SMARCA2: variants seen among roughly 807,000 people sequenced by gnomAD.
SMARCA2 encodes SWI/SNF-related matrix-associated actin-dependent regulator of chromatin subfamily A member 2.
Under a neutral mutation model 199.8 loss-of-function variants are expected in SMARCA2, and 61 were observed. The ratio of observed to expected loss-of-function variants is 0.31; its 90% CI spans 0.25 to 0.38. The LOEUF (loss-of-function observed/expected upper bound fraction) is 0.38, where lower values mean the gene tolerates loss of function less well. Among genes scored for constraint, SMARCA2 ranks in the 10% least tolerant of loss-of-function variants. The pLI, the probability that SMARCA2 is intolerant of heterozygous loss-of-function variation, is 1.00. For missense variants in SMARCA2, 1,344 were observed against 2,012.2 expected, an observed-to-expected ratio of 0.67 and a Z score of 6.35; for synonymous variants, 935 against 732.0, an observed-to-expected ratio of 1.28 and a Z score of -4.48.
intron 27 of SMARCA2, chr9:2,157,957 C>A (rs561536022): frequency 2.5e-5 from 10 of 398,186 alleles, no homozygotes; most frequent in African/African-American, 2.1e-4. Context: ...CTGCCATGTG[C>A]TTTGCTAGCT....
At chr9:2,129,161 G>A (rs950524013) in intron 27 of SMARCA2, among the ~76,000 whole-genome samples, 11 of 152,224 alleles carry the variant, frequency 7.2e-5, no homozygotes, top group African/African-American at 2.4e-4. Context: ...GCTCATGCCT[G>A]TAATCCCAGC....
intron 21 of SMARCA2, among the ~76,000 whole-genome samples, chr9:2,098,123 G>A (rs1045471310): frequency 6.6e-6 from 1 of 152,210 alleles, no homozygotes; most frequent in African/African-American, 2.4e-5. Context: ...GACTGGAGCA[G>A]GAATGAAAAG....
intron 27 of SMARCA2, among the ~76,000 whole-genome samples, chr9:2,139,522 T>C (rs1229794572): frequency 6.6e-6 from 1 of 152,184 alleles, no homozygotes. Flanking sequence ...AATGAACATT[T>C]GTTCTGCAAG....
chr9:2,080,027 T>C (rs982441735), intron 14 of SMARCA2: 4 of 152,232 alleles, frequency 2.6e-5, no homozygotes, highest in Non-Finnish European at 5.9e-5. Flanking sequence ...CTTCCTGGAA[T>C]CTTGACTAGC....
rs1416708551 is a variant in SMARCA2 at position 2,123,274 on chromosome 9, G to C, written c.3763-445G>C. Among the ~76,000 whole-genome samples, 1 of 151,802 alleles carries C rather than the reference G, an allele frequency of 6.6e-6. No homozygotes were observed. The highest frequency in any genetic ancestry group is 6.6e-5 in the Admixed American group (1 of 15,248). On this transcript the variant is annotated intron_variant, in intron 26 of 33. Coordinates refer to ENST00000349721, the MANE Select transcript of SMARCA2 (RefSeq NM_003070.5). The surrounding 1 kb of genome is among the most constrained non-coding windows in gnomAD (Gnocchi z 4.1). ...TTTATTGCTGATTGTTTAGTTCAAA[G>C]CACAAGCCCTATTGAATAAAAGGAA...
chr9:2,087,823 G>T (rs538022815), intron 18 of SMARCA2, among the ~76,000 whole-genome samples: 55 of 152,240 alleles, frequency 3.6e-4, no homozygotes, highest in Non-Finnish European at 6.2e-4. Flanking sequence ...GAGGCACATG[G>T]GCCCATCCTC....
intron 28 of SMARCA2, among the ~76,000 whole-genome samples, chr9:2,166,888 A>C (rs1369834410): frequency 6.6e-6 from 1 of 152,194 alleles, no homozygotes; most frequent in Non-Finnish European, 1.5e-5. Context: ...TTTCCAATCT[A>C]TCACCCTAGA....
chr9:2,148,191 A>G (rs1333016743), intron 27 of SMARCA2, among the ~76,000 whole-genome samples: 2 of 151,654 alleles, frequency 1.3e-5, no homozygotes, highest in Non-Finnish European at 3.0e-5. Flanking sequence ...TCACAGTTAC[A>G]TTATATTCAT....
At chr9:2,125,971 T>C (rs1161274900) in intron 27 of SMARCA2, among the ~76,000 whole-genome samples, 4 of 152,232 alleles carry the variant, frequency 2.6e-5, no homozygotes, top group African/African-American at 9.6e-5. Context: ...AGATATCTGT[T>C]TTGTTTTCTC....
At chr9:2,105,581 G>A (rs941707138) in intron 23 of SMARCA2, among the ~76,000 whole-genome samples, 10 of 152,096 alleles carry the variant, frequency 6.6e-5, no homozygotes, top group Admixed American at 3.9e-4. Context: ...TCCAAATTAC[G>A]TAATGAATGA....
chr9:2,025,339 C>T (rs1225624191), intron 1 of SMARCA2, among the ~76,000 whole-genome samples: 2 of 152,088 alleles, frequency 1.3e-5, no homozygotes, highest in East Asian at 3.8e-4. Context: ...TGCTGTGCCC[C>T]CCTCTCCCCA....
chr9:2,180,287 T>C (rs1162832965), intron 29 of SMARCA2, among the ~76,000 whole-genome samples: 2 of 152,192 alleles, frequency 1.3e-5, no homozygotes, highest in Non-Finnish European at 2.9e-5. Context: ...AACTAGCCCA[T>C]CTCTTTGACA....
In SMARCA2 at chr9:2,110,483, A is replaced by C; in HGVS notation, c.3456+66A>C. 1 of 1,307,498 alleles carries C rather than the reference A, an allele frequency of 7.6e-7. No homozygotes were observed. The highest frequency in any genetic ancestry group is 1.5e-5 in the African/African-American group (1 of 67,372). The allele number at this position is 1,307,498 out of a possible 1,614,324, so 81.0% of individuals were successfully genotyped here. ...GAGCAACTAAAAGATGATCAGTTTCATTATTCACATTTACAGGACAGAGCA... is the reference window on the plus strand; with the variant it reads ...GAGCAACTAAAAGATGATCAGTTTCCTTATTCACATTTACAGGACAGAGCA... On this transcript the variant is annotated intron_variant, in intron 24 of 33. Coordinates refer to ENST00000349721, the MANE Select transcript of SMARCA2 (RefSeq NM_003070.5). The surrounding 1 kb of genome is among the most constrained non-coding windows in gnomAD (Gnocchi z 4.8).
chr9:2,175,382 T>A (rs766463341), intron 29 of SMARCA2, among the ~76,000 whole-genome samples: 10 of 151,012 alleles, frequency 6.6e-5, no homozygotes, highest in Non-Finnish European at 1.2e-4. Context: ...TGCTTTGTAG[T>A]AATAAATGCA....
At chr9:2,190,693 A>AT (rs1012231437) in intron 32 of SMARCA2, among the ~76,000 whole-genome samples, 26 of 151,910 alleles carry the variant, frequency 1.7e-4, no homozygotes, top group African/African-American at 5.6e-4. Context: ...GGACATAAAC[A>AT]TTTTTTTTCC....
chr9:2,191,217 TCTC>T (rs777724059), intron 32 of SMARCA2, 46 bp from the exon 33 acceptor site: 4 of 1,584,078 alleles, frequency 2.5e-6, no homozygotes, highest in South Asian at 1.1e-5. Flanking sequence ...TATACAAAGA[TCTC>T]CTTGTGATTA....
chr9:2,046,961 A>G (rs1819874736), intron 4 of SMARCA2, among the ~76,000 whole-genome samples: 2 of 152,106 alleles, frequency 1.3e-5, no homozygotes, highest in South Asian at 4.1e-4. Flanking sequence ...CCATTTCCCG[A>G]TGGGGATAGA....
intron 14 of SMARCA2, among the ~76,000 whole-genome samples, chr9:2,078,056 A>G (rs1322739864): frequency 6.6e-6 from 1 of 152,142 alleles, no homozygotes; most frequent in Admixed American, 6.5e-5. Context: ...ATTCTATTAA[A>G]CTGGAGAACA....
At position 2,110,200 on chromosome 9, in the gene SMARCA2, G is replaced by A. The variant is rs1822935544; in HGVS notation, c.3293-54G>A. The A allele has an allele frequency of 4.2e-6, 6 of 1,444,618 alleles. No homozygotes were observed. The highest frequency in any genetic ancestry group is 5.7e-6 in the Non-Finnish European group (6 of 1,060,866). 89.5% of individuals were successfully genotyped at this position (1,444,618 alleles called of 1,614,324 possible). A position where few individuals can be genotyped will look rare whatever the true frequency, so the allele number is the denominator to read the frequency against. On this transcript the variant is annotated intron_variant, in intron 23 of 33. Transcript: ENST00000349721. The surrounding 1 kb of genome is among the most constrained non-coding windows in gnomAD (Gnocchi z 4.8). ...GAAGCAAGCCTTTTTGTCTCATTCTGTGCCATTTTCAGACAAGAGTTAATT... is the reference window on the plus strand; with the variant it reads ...GAAGCAAGCCTTTTTGTCTCATTCTATGCCATTTTCAGACAAGAGTTAATT...
Sources: gnomAD v4.1 joint callset for allele counts (sites outside exome capture counted in the v4.1 genomes callset) on GRCh38, gnomAD v4.1.1 for gene constraint, Gnocchi (gnomAD v3.1) non-coding constraint, MANE v1.5 for transcripts, NCBI Gene and HGNC (gene_info 2026-07-23, HGNC 2026-07-21) for gene names.